The following RANBP17 variants were observed in gnomAD, a reference collection of about 807,000 sequenced individuals.
RANBP17 encodes the protein ran-binding protein 17.
In RANBP17, 158 loss-of-function variants were observed where a neutral mutation model predicts 141.2. The observed-to-expected ratio is 1.12, with a 90% CI of 0.98 to 1.28. The LOEUF is 1.28. Among genes scored for constraint, RANBP17 ranks in the 50% most tolerant of loss-of-function variants. RANBP17 has a pLI of 0.00. For missense variants in RANBP17, 1,438 were observed against 1,290.7 expected (o/e 1.11, Z -1.75); for synonymous variants, 430 against 450.0 (o/e 0.96, Z 0.56).
At chr5:171,131,573 CATAAGA>C (rs1461321342) in intron 14 of RANBP17, among the ~76,000 whole-genome samples, 5 of 152,216 alleles carry the variant, frequency 3.3e-5, no homozygotes, top group East Asian at 1.9e-4. Context: ...GAGACCCACT[CATAAGA>C]ATAAGTGTTG....
intron 14 of RANBP17, among the ~76,000 whole-genome samples, chr5:171,143,684 C>T (rs1410804724): frequency 3.3e-5 from 5 of 152,118 alleles, no homozygotes; most frequent in Admixed American, 1.3e-4. Context: ...ATGCTTAGAG[C>T]TCACAGATGA....
At chr5:171,262,232 T>G (rs1766380698) in intron 24 of RANBP17, among the ~76,000 whole-genome samples, 1 of 152,164 alleles carries the variant, frequency 6.6e-6, no homozygotes, top group Non-Finnish European at 1.5e-5. Flanking sequence ...AGATGTCGAG[T>G]TACATAATCC....
chr5:171,124,374 C>G (rs1756272680), intron 14 of RANBP17, among the ~76,000 whole-genome samples: 1 of 151,876 alleles, frequency 6.6e-6, no homozygotes, highest in Non-Finnish European at 1.5e-5. Flanking sequence ...CATAAAGTAA[C>G]CAGATACCCT....
intron 14 of RANBP17, among the ~76,000 whole-genome samples, chr5:171,163,546 A>G (rs1307414759): frequency 2.6e-5 from 4 of 152,168 alleles, no homozygotes; most frequent in Admixed American, 6.5e-5. Flanking sequence ...GCCTAAAACA[A>G]AAATATGAAA....
chr5:171,295,509 C>T (rs1768762849), intron 26 of RANBP17, among the ~76,000 whole-genome samples: 1 of 152,086 alleles, frequency 6.6e-6, no homozygotes, highest in African/African-American at 2.4e-5. Flanking sequence ...TAAAATGCTC[C>T]CTGGGCATTT....
intron 21 of RANBP17, among the ~76,000 whole-genome samples, chr5:171,218,909 AATATT>A (rs1480818641): frequency 6.6e-6 from 1 of 152,102 alleles, no homozygotes; most frequent in Non-Finnish European, 1.5e-5. Context: ...ATTTAAGGTT[AATATT>A]ATGTTTCAAT....
At position 171,008,356 on chromosome 5, in the gene RANBP17, G is replaced by A. The variant is rs184764524; in HGVS notation, c.1710+39979G>A. ...GTGGATCTCTTCACGGAGTGAGGGT[G>A]AGGACAGGGGACTGGTCTCCCAAAG... On this transcript the variant is annotated intron_variant, in intron 14 of 27. Coordinates refer to ENST00000523189, the MANE Select transcript of RANBP17 (RefSeq NM_022897.5). Among the ~76,000 whole-genome samples, 199 of 152,310 alleles carry A rather than the reference G, an allele frequency of 1.3e-3. 1 individual carries two copies. Among genetic ancestry groups the A allele is most frequent in the African/African-American group, 4.7e-3 (194 of 41,574 alleles).
In RANBP17 at chr5:171,093,514, G is replaced by A. The variant is rs977265501; in HGVS notation, c.1711-76616G>A. On this transcript the variant is annotated intron_variant, in intron 14 of 27. Coordinates refer to ENST00000523189, the MANE Select transcript of RANBP17 (RefSeq NM_022897.5). ...GAACCCGTTGTATGTGGTAGCTTAT[G>A]TAAGAGGGAAGCTTCTGGAAAAGCA... Among the ~76,000 whole-genome samples, 3 of 152,306 alleles carry A rather than the reference G, an allele frequency of 2.0e-5. No homozygotes were observed. In the South Asian group the frequency reaches 6.2e-4, roughly 32 times the overall value.
intron 27 of RANBP17, 55 bp downstream of exon 27, chr5:171,296,069 G>A (rs981597027): frequency 1.3e-6 from 2 of 1,570,740 alleles, no homozygotes; most frequent in Non-Finnish European, 1.7e-6. Flanking sequence ...CAGGTTTGTT[G>A]AAAATAACTC....
chr5:171,018,029 G>GT lies in RANBP17; in HGVS notation c.1710+49660dup, dbSNP rs370930800. ...ATAGGAGATCCTTTCCCCATTGCTT[G>GT]TTTTTTTTCAGGTTTGTTGAAGATC... On this transcript the variant is annotated intron_variant, in intron 14 of 27. Transcript: ENST00000523189. Among the ~76,000 whole-genome samples the GT allele has an allele frequency of 3.7e-3, 565 of 151,710 alleles. 2 individuals are homozygous for GT. The highest frequency in any genetic ancestry group is 0.012 in the African/African-American group (504 of 41,356).
intron 22 of RANBP17, among the ~76,000 whole-genome samples, chr5:171,223,209 A>AT (rs1763678115): frequency 6.6e-6 from 1 of 152,194 alleles, no homozygotes. Flanking sequence ...AGAATTTGAG[A>AT]TTTTTTCATG....
intron 14 of RANBP17, among the ~76,000 whole-genome samples, chr5:171,036,054 A>G (rs1190162138): frequency 6.6e-6 from 1 of 152,058 alleles, no homozygotes; most frequent in East Asian, 1.9e-4. Context: ...TTCCATGCCC[A>G]GCTAATTTTT....
chr5:170,918,573 C>G (rs1772168744), intron 9 of RANBP17, 140 bp from the exon 10 acceptor site: 1 of 527,628 alleles, frequency 1.9e-6, no homozygotes, highest in African/African-American at 2.0e-5. Context: ...TATTTTTTTA[C>G]ATTGTTAACT....
chr5:171,227,308 G>A (rs946914648), intron 22 of RANBP17, among the ~76,000 whole-genome samples: 5 of 152,206 alleles, frequency 3.3e-5, no homozygotes, highest in African/African-American at 1.2e-4. Context: ...ATAAAAAAGT[G>A]AAACAACCTT....
chr5:171,117,827 GTTTTGT>G (rs970839873), intron 14 of RANBP17, among the ~76,000 whole-genome samples: 1 of 103,808 alleles, frequency 9.6e-6, no homozygotes, highest in Non-Finnish European at 2.0e-5. Context: ...TATATGTGGG[GTTTTGT>G]TGTTGTTGTT....
intron 12 of RANBP17, 120 bp downstream of exon 12, chr5:170,924,670 A>G (rs1772770583): frequency 1.6e-6 from 1 of 629,592 alleles, no homozygotes; most frequent in Non-Finnish European, 2.5e-6. Context: ...TGGTCCCCTA[A>G]TAAACCATTA....
At chr5:171,291,314 A>G (rs1186901196) in intron 25 of RANBP17, among the ~76,000 whole-genome samples, 3 of 152,224 alleles carry the variant, frequency 2.0e-5, no homozygotes, top group African/African-American at 7.2e-5. Flanking sequence ...CATAGGCCCT[A>G]GAAAATGTAG....
intron 23 of RANBP17, 30 bp downstream of exon 23, chr5:171,241,172 G>A (rs1233907673): frequency 6.5e-7 from 1 of 1,540,384 alleles, no homozygotes; most frequent in African/African-American, 1.4e-5. Flanking sequence ...GGGAGTGTTT[G>A]TATGAAATGT....
chr5:171,169,131 C>A (rs1258395242), intron 14 of RANBP17, among the ~76,000 whole-genome samples: 1 of 152,026 alleles, frequency 6.6e-6, no homozygotes. Flanking sequence ...TTGTGTTGCC[C>A]CTGTGATACC....
Sources: gnomAD v4.1 joint callset for allele counts (sites outside exome capture counted in the v4.1 genomes callset) on GRCh38, gnomAD v4.1.1 for gene constraint, MANE v1.5 for transcripts, NCBI Gene and HGNC (gene_info 2026-07-23, HGNC 2026-07-21) for gene names.